The following CPSF3 variants were observed in gnomAD, a reference collection of about 807,000 sequenced individuals.
The protein encoded by CPSF3 is cleavage and polyadenylation specific factor 3.
In CPSF3, 57 loss-of-function variants were observed where a neutral mutation model predicts 84.1. The ratio of observed to expected loss-of-function variants is 0.68; its 90% CI spans 0.55 to 0.85. The LOEUF (loss-of-function observed/expected upper bound fraction) is 0.85, where lower values mean the gene tolerates loss of function less well. Ranked by LOEUF, CPSF3 falls within the 40% of genes least tolerant of loss-of-function variation. The pLI is 0.00. For synonymous variants in CPSF3, 275 were observed against 278.1 expected (o/e 0.99, Z 0.11); for missense variants, 522 against 838.8 (o/e 0.62, Z 4.66).
rs1380604204 is a variant in CPSF3, at chr2:9,472,093, C to CATCTGAG, written c.1953+655_1953+661dup. Among the ~76,000 whole-genome samples, 3 of 149,968 alleles carry CATCTGAG rather than the reference C, an allele frequency of 2.0e-5. No individual in the cohort carries two copies. In the East Asian group the frequency reaches 5.9e-4, roughly 29 times the overall value. On this transcript the variant is annotated intron_variant, in intron 17 of 17. Coordinates refer to ENST00000238112, the MANE Select transcript of CPSF3 (RefSeq NM_016207.4). ...CTTTGGGAGGTCAAGGTGGGTGGAT[C>CATCTGAG]ATCTGAGGTCAAGAGTTTGAGACCA...
chr2:9,429,218 A>AT (rs1174313249), intron 2 of CPSF3, among the ~76,000 whole-genome samples: 1 of 152,204 alleles, frequency 6.6e-6, no homozygotes, highest in Non-Finnish European at 1.5e-5. Flanking sequence ...AGAAGCTTGG[A>AT]TCCCCAGGTC....
chr2:9,456,146 T>G (rs1186277311), intron 13 of CPSF3, among the ~76,000 whole-genome samples: 1 of 152,218 alleles, frequency 6.6e-6, no homozygotes, highest in South Asian at 2.1e-4. Context: ...ATTTTTCTGG[T>G]TCTATTGATA....
chr2:9,452,760 A>C (rs960383743), intron 11 of CPSF3, among the ~76,000 whole-genome samples, 153 bp from the exon 12 acceptor site: 1 of 152,180 alleles, frequency 6.6e-6, no homozygotes, highest in African/African-American at 2.4e-5. Context: ...CATCATAGAG[A>C]TATCAAACAT....
intron 1 of CPSF3, chr2:9,424,095 C>G (rs536940641): frequency 1.6e-6 from 2 of 1,215,136 alleles, no homozygotes; most frequent in Admixed American, 4.1e-5. Context: ...GGGGCCACCG[C>G]TCGCTTTCGT....
intron 12 of CPSF3, among the ~76,000 whole-genome samples, chr2:9,454,810 C>T (rs905212208): frequency 6.6e-6 from 1 of 152,018 alleles, no homozygotes; most frequent in Admixed American, 6.5e-5. Context: ...TCCCAAAGTG[C>T]TGGGATTACA....
intron 1 of CPSF3, among the ~76,000 whole-genome samples, chr2:9,428,526 T>C (rs1369663619): frequency 6.6e-6 from 1 of 152,218 alleles, no homozygotes; most frequent in Non-Finnish European, 1.5e-5. Flanking sequence ...CCGCCTTCTC[T>C]CTTAATTTTA....
chr2:9,428,239 T>C (rs75510264), intron 1 of CPSF3, among the ~76,000 whole-genome samples: 2,063 of 145,860 alleles, frequency 0.014, 79 homozygotes, highest in African/African-American at 0.055. Flanking sequence ...TCTCGTGATC[T>C]GCCTGCCTCG....
intron 1 of CPSF3, chr2:9,424,461 G>A (rs1680270022): frequency 6.2e-6 from 1 of 162,340 alleles, no homozygotes; most frequent in Non-Finnish European, 1.3e-5. Flanking sequence ...TCATCAGTCG[G>A]GAATGCTGCT....
At chr2:9,444,325 A>G (rs1220283541) in intron 10 of CPSF3, among the ~76,000 whole-genome samples, 1 of 151,476 alleles carries the variant, frequency 6.6e-6, no homozygotes, top group Non-Finnish European at 1.5e-5. Flanking sequence ...ATGGGGTTTC[A>G]CCGTCTTGGC....
At position 9,428,899 on chromosome 2, in the gene CPSF3, G is replaced by A. The variant is rs2148933889; in HGVS notation, c.114+71G>A. On this transcript the variant is annotated intron_variant, in intron 2 of 17. Transcript: ENST00000238112. ...TATTGGGTGTTAGTCTTTTCTCATA[G>A]ACTAGTTATCTTTTTAGCTCCCAGA... 8.9e-6 allele frequency: 8 copies of A among 898,266 alleles called. 1 individual carries two copies. In the South Asian group the frequency reaches 1.1e-4, roughly 13 times the overall value. 55.6% of individuals were successfully genotyped at this position (898,266 alleles called of 1,614,324 possible). A position where few individuals can be genotyped will look rare whatever the true frequency, so the allele number is the denominator to read the frequency against.
rs542031154 is a variant in CPSF3 at position 9,433,976 on chromosome 2, C to T, written c.609+16C>T. ...TCTTATCATTGTAAGTATTAATATA[C>T]TATATTGTAATCAATGTAATGTAAG... On this transcript the variant is annotated intron_variant, in intron 6 of 17. Coordinates refer to ENST00000238112, the MANE Select transcript of CPSF3 (RefSeq NM_016207.4). 10 of 1,388,242 alleles carry T rather than the reference C, an allele frequency of 7.2e-6. No individual in the cohort carries two copies. In the African/African-American group the frequency reaches 1.1e-4, roughly 16 times the overall value. 86.0% of individuals were successfully genotyped at this position (1,388,242 alleles called of 1,614,324 possible).
intron 15 of CPSF3, among the ~76,000 whole-genome samples, chr2:9,465,036 T>G (rs1400914921): frequency 1.3e-5 from 2 of 152,170 alleles, no homozygotes; most frequent in Non-Finnish European, 2.9e-5. Flanking sequence ...CAATTGAAAT[T>G]CACGAATTAA....
chr2:9,432,183 T>C (rs909320510), intron 4 of CPSF3, among the ~76,000 whole-genome samples: 3 of 151,992 alleles, frequency 2.0e-5, no homozygotes, highest in Admixed American at 2.0e-4. Flanking sequence ...CTTTCAGGAG[T>C]GTTGGGGTGG....
chr2:9,434,794 G>T (rs1374483530), intron 6 of CPSF3, among the ~76,000 whole-genome samples: 1 of 152,176 alleles, frequency 6.6e-6, no homozygotes, highest in African/African-American at 2.4e-5. Context: ...GTAGAGTCAG[G>T]GGTTGGGAGA....
intron 7 of CPSF3, among the ~76,000 whole-genome samples, chr2:9,438,500 C>CTT (rs60728053): frequency 1.2e-4 from 15 of 130,354 alleles, no homozygotes; most frequent in East Asian, 4.3e-4. Flanking sequence ...AATATATATT[C>CTT]TTTTTTTTTT....
At chr2:9,444,604 G>A (rs1444202912) in intron 10 of CPSF3, among the ~76,000 whole-genome samples, 1 of 152,074 alleles carries the variant, frequency 6.6e-6, no homozygotes, top group African/African-American at 2.4e-5. Context: ...TGGAAAGCAG[G>A]AGAAATGGCC....
At chr2:9,471,265 C>A in intron 16 of CPSF3, 78 bp from the exon 17 acceptor site, 1 of 853,752 alleles carries the variant, frequency 1.2e-6, no homozygotes, top group Admixed American at 1.8e-5. Context: ...GAACTAGGAC[C>A]TATCTTCAGT....
intron 6 of CPSF3, among the ~76,000 whole-genome samples, chr2:9,435,738 A>T (rs1680755162): frequency 7.0e-6 from 1 of 143,622 alleles, no homozygotes; most frequent in Non-Finnish European, 1.5e-5. Flanking sequence ...TTGTTGTTAA[A>T]TTTTATTTTT....
At chr2:9,436,779 A>AAAAATAATAATAT (rs1680800083) in intron 7 of CPSF3, among the ~76,000 whole-genome samples, 6 of 150,698 alleles carry the variant, frequency 4.0e-5, no homozygotes, top group African/African-American at 1.5e-4. Context: ...TCAAAAAATA[A>AAAAATAATAATAT]TAATAATAAT....
Sources: allele counts gnomAD v4.1 joint callset (sites outside exome capture counted in the v4.1 genomes callset), GRCh38; gene constraint gnomAD v4.1.1; transcripts MANE v1.5; gene names NCBI Gene and HGNC (gene_info 2026-07-23, HGNC 2026-07-21).